IREB2: variants seen among roughly 807,000 people sequenced by gnomAD.
IREB2 encodes iron responsive element binding protein 2.
In IREB2, 39 loss-of-function variants were observed where a neutral mutation model predicts 118.8. The observed-to-expected ratio is 0.33, with a 90% CI of 0.25 to 0.43. IREB2 has a LOEUF of 0.43. IREB2 is among the 20% of genes least tolerant of loss of function. The pLI is 1.00. For synonymous variants in IREB2, 372 were observed against 392.2 expected (o/e 0.95, Z 0.61); for missense variants, 900 against 1,147.3 (o/e 0.78, Z 3.11).
intron 2 of IREB2, among the ~76,000 whole-genome samples, chr15:78,448,271 A>G (rs931354687): frequency 2.0e-5 from 3 of 151,912 alleles, no homozygotes; most frequent in Admixed American, 1.3e-4. Flanking sequence ...CAGCCACCCA[A>G]GTAGCTGGGA....
chr15:78,437,943 G>A (rs887896745), upstream of IREB2, among the ~76,000 whole-genome samples: 1 of 152,190 alleles, frequency 6.6e-6, no homozygotes, highest in Non-Finnish European at 1.5e-5. Context: ...AACACCGCTC[G>A]AATTCATGAC....
At position 78,498,566 on chromosome 15, in the gene IREB2, C is replaced by T. The variant is rs1461221008; in HGVS notation, c.*423C>T. The T allele has an allele frequency of 6.5e-6, 1 of 153,350 alleles. No homozygotes were observed. The highest frequency in any genetic ancestry group is 2.4e-5 in the African/African-American group (1 of 41,450). The allele number at this position is 153,350 out of a possible 1,614,324, so 9.5% of individuals were successfully genotyped here. Reference sequence around the variant, plus strand: ...TTGAAATATAAGAAGCCAGATTAGACTCTAAAATTGTGGCCATTGGAATCT... The same window carrying T: ...TTGAAATATAAGAAGCCAGATTAGATTCTAAAATTGTGGCCATTGGAATCT... On this transcript the variant is annotated 3_prime_UTR_variant, in exon 22 of 22. Coordinates refer to ENST00000258886, the MANE Select transcript of IREB2 (RefSeq NM_004136.4).
chr15:78,448,652 A>G (rs2050972350), intron 2 of IREB2, among the ~76,000 whole-genome samples: 1 of 152,344 alleles, frequency 6.6e-6, no homozygotes, highest in Middle Eastern at 3.4e-3. Flanking sequence ...TGATGGGATT[A>G]CAGGGCCTTC....
intron 2 of IREB2, among the ~76,000 whole-genome samples, chr15:78,461,319 G>A (rs953400322): frequency 1.3e-5 from 2 of 152,096 alleles, no homozygotes; most frequent in Non-Finnish European, 2.9e-5. Flanking sequence ...AGAGACCTAT[G>A]GTTAAAATCT....
intron 2 of IREB2, among the ~76,000 whole-genome samples, chr15:78,448,714 G>A (rs1386070266): frequency 6.6e-6 from 1 of 152,194 alleles, no homozygotes; most frequent in East Asian, 1.9e-4. Flanking sequence ...AGCAGGGTTA[G>A]CTTTACCCTG....
chr15:78,486,590 G>C (rs905109306), intron 13 of IREB2, among the ~76,000 whole-genome samples: 4 of 151,998 alleles, frequency 2.6e-5, no homozygotes, highest in Non-Finnish European at 4.4e-5. Flanking sequence ...GGGCGACAGA[G>C]CGAGACTCCA....
At chr15:78,443,636 T>G (rs933420593) in intron 2 of IREB2, among the ~76,000 whole-genome samples, 4 of 151,892 alleles carry the variant, frequency 2.6e-5, no homozygotes, top group Non-Finnish European at 4.4e-5. Flanking sequence ...GTTTTTTTTG[T>G]TTTTTGTTTT....
intron 17 of IREB2, 41 bp from the exon 18 acceptor site, chr15:78,490,578 G>C (rs1161580205): frequency 6.2e-7 from 1 of 1,609,346 alleles, no homozygotes; most frequent in Non-Finnish European, 8.5e-7. Context: ...AAACTAAGAA[G>C]TCTTGTAAAG....
At chr15:78,469,059 A>G (rs1193847670) in intron 5 of IREB2, among the ~76,000 whole-genome samples, 1 of 152,172 alleles carries the variant, frequency 6.6e-6, no homozygotes, top group Non-Finnish European at 1.5e-5. Context: ...ACATTTCCCC[A>G]TAATTTTGAC....
chr15:78,438,115 CCTTT>C (rs938415992), upstream of IREB2: 7 of 563,398 alleles, frequency 1.2e-5, no homozygotes, highest in Non-Finnish European at 1.9e-5. Flanking sequence ...CCGCCCCTTC[CCTTT>C]CTTTGTTTTC....
In IREB2 at chr15:78,478,319, A is replaced by G. The variant is rs1049562402; in HGVS notation, c.1218A>G (p.Glu406=). 1 of 1,613,088 alleles carries G rather than the reference A, an allele frequency of 6.2e-7. No homozygotes were observed. Among genetic ancestry groups the G allele is most frequent in the East Asian group, 2.2e-5 (1 of 44,884 alleles). Residue 406 remains glutamate (E), a synonymous_variant, in exon 10 of 22, where the codon GAA becomes GAG. Coordinates refer to ENST00000258886, the MANE Select transcript of IREB2 (RefSeq NM_004136.4). Reference sequence around the variant, plus strand: ...TAGGTTTTAGCAAAGCCAAACTCGAATCAATGGAAACATACCTTAAAGCTG... The same window carrying G: ...TAGGTTTTAGCAAAGCCAAACTCGAGTCAATGGAAACATACCTTAAAGCTG... ...EHTGFSKAKL[E]SMETYLKAVK...
At chr15:78,483,702 G>A (rs996832069) in intron 11 of IREB2, among the ~76,000 whole-genome samples, 14 of 151,842 alleles carry the variant, frequency 9.2e-5, no homozygotes, top group African/African-American at 3.4e-4. Flanking sequence ...AGTCACAGTA[G>A]TCTCATTTTT....
intron 6 of IREB2, 129 bp from the exon 7 acceptor site, chr15:78,471,612 G>A (rs1041175114): frequency 1.0e-5 from 5 of 493,002 alleles, no homozygotes; most frequent in African/African-American, 9.8e-5. Context: ...TTTTAACTAT[G>A]TGATATGAAC....
chr15:78,443,456 A>G (rs376212301), intron 2 of IREB2, among the ~76,000 whole-genome samples: 4 of 152,204 alleles, frequency 2.6e-5, no homozygotes, highest in African/African-American at 7.2e-5. Flanking sequence ...ATAGAGTTCA[A>G]CACAGATTAT....
intron 10 of IREB2, among the ~76,000 whole-genome samples, chr15:78,482,364 G>A (rs1185396575): frequency 6.6e-6 from 1 of 152,140 alleles, no homozygotes; most frequent in African/African-American, 2.4e-5. Context: ...AATGCATGAA[G>A]GAAACGATAG....
At chr15:78,479,943 G>A (rs980523572) in intron 10 of IREB2, 2 of 151,006 alleles carry the variant, frequency 1.3e-5, no homozygotes, top group Non-Finnish European at 1.5e-5. Flanking sequence ...AAAATCTGTT[G>A]GAAATTTATA....
At chr15:78,485,639 C>T in intron 12 of IREB2, 66 bp from the exon 13 acceptor site, 9 of 1,485,578 alleles carry the variant, frequency 6.1e-6, no homozygotes, top group South Asian at 1.3e-5. Flanking sequence ...TCACTTTTTA[C>T]TTTAATATGG....
chr15:78,498,202 C>T lies in IREB2; in HGVS notation c.*59C>T. 1 of 904,174 alleles carries T rather than the reference C, an allele frequency of 1.1e-6. No homozygotes were observed. Among genetic ancestry groups the T allele is most frequent in the Non-Finnish European group, 1.8e-6 (1 of 545,092 alleles). 56.0% of individuals were successfully genotyped at this position (904,174 alleles called of 1,614,324 possible). A position where few individuals can be genotyped will look rare whatever the true frequency, so the allele number is the denominator to read the frequency against. On this transcript the variant is annotated 3_prime_UTR_variant, in exon 22 of 22. Transcript: ENST00000258886. ...TAACTGCAAAGCCTTTTGTGCTGGA[C>T]CCAGGAATCCTTACCATGGAGCAGC...
chr15:78,472,187 C>T (rs1332559319), intron 7 of IREB2, among the ~76,000 whole-genome samples: 3 of 152,278 alleles, frequency 2.0e-5, no homozygotes, highest in Middle Eastern at 3.4e-3. Context: ...GATGATGATA[C>T]GTCTACAAAG....
Sources: allele counts gnomAD v4.1 joint callset (sites outside exome capture counted in the v4.1 genomes callset), GRCh38; gene constraint gnomAD v4.1.1; transcripts MANE v1.5; gene names NCBI Gene and HGNC (gene_info 2026-07-23, HGNC 2026-07-21).